Variants in FAM135B observed in about 807,000 individuals in gnomAD.
The protein encoded by FAM135B is protein FAM135B.
Under a neutral mutation model 127.7 loss-of-function variants are expected in FAM135B, and 43 were observed. The observed-to-expected ratio is 0.34, with a 90% confidence interval of 0.26 to 0.43. The LOEUF (loss-of-function observed/expected upper bound fraction) is 0.43. Ranked by LOEUF, FAM135B falls within the 20% of genes least tolerant of loss-of-function variation. The pLI is 1.00. For missense variants in FAM135B, 1,558 were observed against 1,725.6 expected, an observed-to-expected ratio of 0.90 and a Z score of 1.72; for synonymous variants, 670 against 665.1, an observed-to-expected ratio of 1.01 and a Z score of -0.11.
chr8:138,331,314 C>T (rs529559996), intron 2 of FAM135B, among the ~76,000 whole-genome samples: 4 of 152,254 alleles, frequency 2.6e-5, no homozygotes, highest in East Asian at 1.9e-4. Context: ...AAGGTCTTCG[C>T]AGCATTTTTA....
At chr8:138,185,658 A>G (rs539645682) in intron 9 of FAM135B, among the ~76,000 whole-genome samples, 101 of 152,202 alleles carry the variant, frequency 6.6e-4, no homozygotes, top group Non-Finnish European at 3.8e-4. Flanking sequence ...AGCTCTGGGA[A>G]AGACTACGTG....
chr8:138,383,672 G>A (rs1044699791), intron 1 of FAM135B, among the ~76,000 whole-genome samples: 3 of 152,102 alleles, frequency 2.0e-5, no homozygotes, highest in Non-Finnish European at 4.4e-5. Context: ...GTGTGTGAGC[G>A]GCAACTGATG....
chr8:138,414,521 C>T (rs951577468), intron 1 of FAM135B, among the ~76,000 whole-genome samples: 1 of 152,048 alleles, frequency 6.6e-6, no homozygotes, highest in Admixed American at 6.6e-5. Context: ...AATAGTTTAT[C>T]CTTAATTTTA....
intron 7 of FAM135B, among the ~76,000 whole-genome samples, chr8:138,215,775 C>T (rs1239533841): frequency 1.3e-5 from 2 of 152,144 alleles, no homozygotes; most frequent in East Asian, 3.9e-4. Context: ...CTCCATTCTC[C>T]GCACCCTCCT....
intron 1 of FAM135B, among the ~76,000 whole-genome samples, chr8:138,410,178 G>T (rs1833777866): frequency 1.3e-5 from 2 of 152,156 alleles, no homozygotes; most frequent in South Asian, 2.1e-4. Context: ...TACCAGGAAG[G>T]GCTCCAGGAG....
chr8:138,451,694 C>G (rs1161769163), intron 1 of FAM135B, among the ~76,000 whole-genome samples: 4 of 152,168 alleles, frequency 2.6e-5, no homozygotes, highest in Admixed American at 2.6e-4. Context: ...TTAAATGACT[C>G]CTCTTTTGCT....
At chr8:138,139,145 A>C in intron 17 of FAM135B, 49 bp from the exon 18 acceptor site, 2 of 1,207,316 alleles carry the variant, frequency 1.7e-6, no homozygotes, top group Non-Finnish European at 2.4e-6. Flanking sequence ...AACAAAACAA[A>C]AACTAACTGG....
Position 138,152,691 on chromosome 8 carries a change from A to G in FAM135B, c.1784T>C (p.Val595Ala), listed in dbSNP as rs2130778444. ...YGLDRTGLSK[V>A]VVGGSHQNAI... ...ATTTTGGTGGCTTCCACCTACTACC[A>G]CTTTGCTTAGCCCAGTCCTGTCTAA... is the stretch of plus-strand genomic sequence containing the variant. Residue 595 changes from valine to alanine, a missense_variant, in exon 13 of 20, where the codon GTG (valine) becomes GCG (alanine). Val to Ala is a moderately conservative substitution (Grantham distance 64). Around this residue, in one of 5 missense-constraint regions of FAM135B, gnomAD observed 923 missense variants for 865.3 expected, o/e 1.07. Coordinates refer to ENST00000395297, the MANE Select transcript of FAM135B (RefSeq NM_015912.4). 3 of 1,613,924 alleles carry G rather than the reference A, an allele frequency of 1.9e-6. No individual in the cohort carries two copies. Among genetic ancestry groups the G allele is most frequent in the Non-Finnish European group, 2.5e-6 (3 of 1,179,988 alleles).
At chr8:138,454,002 A>G (rs1283437166) in intron 1 of FAM135B, among the ~76,000 whole-genome samples, 1 of 152,006 alleles carries the variant, frequency 6.6e-6, no homozygotes, top group Non-Finnish European at 1.5e-5. Context: ...CCAAGGTAAT[A>G]TAGATGGTCG....
intron 1 of FAM135B, chr8:138,477,302 C>T (rs576637312): frequency 6.6e-6 from 1 of 152,354 alleles, no homozygotes; most frequent in East Asian, 1.9e-4. Context: ...CCTGAGCTTT[C>T]TTGCATGTCC....
intron 1 of FAM135B, among the ~76,000 whole-genome samples, chr8:138,417,921 T>G (rs1358290167): frequency 1.3e-5 from 2 of 152,274 alleles, no homozygotes; most frequent in South Asian, 2.1e-4. Flanking sequence ...GTGCCCTAAC[T>G]TCCCAGCAAT....
intron 1 of FAM135B, among the ~76,000 whole-genome samples, chr8:138,374,986 C>A (rs1831371484): frequency 7.4e-6 from 1 of 135,230 alleles, no homozygotes; most frequent in South Asian, 2.3e-4. Flanking sequence ...GGAAAATTAA[C>A]AACAACAACA....
chr8:138,424,147 A>G (rs1312044705), intron 1 of FAM135B, among the ~76,000 whole-genome samples: 2 of 152,194 alleles, frequency 1.3e-5, no homozygotes, highest in African/African-American at 4.8e-5. Context: ...TCCTGAGGCG[A>G]CATACATCCT....
At chr8:138,374,578 G>T (rs1022800015) in intron 1 of FAM135B, among the ~76,000 whole-genome samples, 1 of 152,276 alleles carries the variant, frequency 6.6e-6, no homozygotes, top group African/African-American at 2.4e-5. Flanking sequence ...GGAATAAATG[G>T]TAACACCAGA....
At chr8:138,277,353 T>G (rs1252940004) in intron 3 of FAM135B, among the ~76,000 whole-genome samples, 2 of 152,178 alleles carry the variant, frequency 1.3e-5, no homozygotes, top group East Asian at 3.9e-4. Flanking sequence ...TCAAACCTCC[T>G]TAGTCCTTGA....
intron 1 of FAM135B, among the ~76,000 whole-genome samples, chr8:138,493,004 T>C (rs1238734464): frequency 6.6e-6 from 1 of 152,048 alleles, no homozygotes; most frequent in African/African-American, 2.4e-5. Context: ...AAATGCCCTG[T>C]ACCAGGCACA....
chr8:138,362,279 A>ATTTTTTTT (rs1830467374), intron 2 of FAM135B, among the ~76,000 whole-genome samples: 2 of 122,488 alleles, frequency 1.6e-5, no homozygotes, highest in African/African-American at 3.1e-5. Flanking sequence ...CCCCACCCCC[A>ATTTTTTTT]TATCTTTTTT....
rs1441016128 is a variant in FAM135B at position 138,159,278 on chromosome 8, CA to C, written c.1259-6063del. ...TGGGCGACAGAGCGAGACTCCGTCT[CA>C]AAAAAAAAAAAAGACACATGCACAC... On this transcript the variant is annotated intron_variant, in intron 12 of 19. Coordinates refer to ENST00000395297, the MANE Select transcript of FAM135B (RefSeq NM_015912.4). 2.7e-3 allele frequency among the ~76,000 whole-genome samples: 84 copies of C among 31,608 alleles called. 4 individuals are homozygous for C. The highest frequency in any genetic ancestry group is 8.3e-3 in the East Asian group (5 of 604). The allele number at this position is 31,608 out of a possible 152,430, so 20.7% of individuals were successfully genotyped here.
At chr8:138,223,935 A>T (rs1819216673) in intron 7 of FAM135B, among the ~76,000 whole-genome samples, 1 of 152,176 alleles carries the variant, frequency 6.6e-6, no homozygotes, top group South Asian at 2.1e-4. Context: ...TAACACAGGA[A>T]CAGAGAAATG....
Sources: allele counts gnomAD v4.1 joint callset (sites outside exome capture counted in the v4.1 genomes callset), GRCh38; gene constraint gnomAD v4.1.1; regional missense constraint gnomAD v4.1.1; transcripts MANE v1.5; gene names NCBI Gene and HGNC (gene_info 2026-07-23, HGNC 2026-07-21).